The following OLFM1 variants were observed in gnomAD, a reference collection of about 807,000 sequenced individuals.
OLFM1 encodes noelin.
Under a neutral mutation model 49.7 loss-of-function variants are expected in OLFM1, and 9 were observed. The observed-to-expected ratio is 0.18, with a 90% CI of 0.11 to 0.32. The LOEUF (loss-of-function observed/expected upper bound fraction) is 0.32, where lower values mean the gene tolerates loss of function less well. Ranked by LOEUF, OLFM1 falls within the 10% of genes least tolerant of loss-of-function variation. The pLI, the probability that OLFM1 is intolerant of heterozygous loss-of-function variation, is 1.00. For synonymous variants in OLFM1, 240 were observed against 271.8 expected, an observed-to-expected ratio of 0.88 and a Z score of 1.15; for missense variants, 369 against 661.8, an observed-to-expected ratio of 0.56 and a Z score of 4.85.
intron 5 of OLFM1, among the ~76,000 whole-genome samples, chr9:135,107,922 A>G (rs1478620369): frequency 1.3e-5 from 2 of 151,964 alleles, no homozygotes; most frequent in Non-Finnish European, 2.9e-5. Context: ...GAAATCTCTT[A>G]TATTTAAAAC....
At chr9:135,106,650 C>G in intron 4 of OLFM1, 99 bp from the exon 5 acceptor site, 1 of 839,106 alleles carries the variant, frequency 1.2e-6, no homozygotes, top group South Asian at 1.6e-5. Context: ...GAGGAGAAGC[C>G]GCCACATGGC....
At chr9:135,110,342 A>G (rs1420127368) in intron 5 of OLFM1, among the ~76,000 whole-genome samples, 6 of 152,088 alleles carry the variant, frequency 3.9e-5, no homozygotes, top group Non-Finnish European at 8.8e-5. Flanking sequence ...AGGTCAGCTC[A>G]CATCAGACAC....
chr9:135,082,918 G>A (rs78658470), upstream of OLFM1, among the ~76,000 whole-genome samples: 2 of 152,176 alleles, frequency 1.3e-5, no homozygotes, highest in Admixed American at 6.5e-5. Flanking sequence ...GCCGGGTGTC[G>A]TCTGGATGCA....
At position 135,113,392 on chromosome 9, in the gene OLFM1, A is replaced by T. The variant is rs1035747228; in HGVS notation, c.784-6112A>T. ...AGGCTCTGAGGGCCGTGTCTAGCCT[A>T]CCCAGAACCACCAAGCCCACTCGAG... is the stretch of plus-strand genomic sequence containing the variant. On this transcript the variant is annotated intron_variant, in intron 5 of 5. Transcript: ENST00000371793. This position sits in a 1 kb window ranked among gnomAD's most constrained non-coding sequence, Gnocchi z 4.0. Among the ~76,000 whole-genome samples the T allele has an allele frequency of 6.6e-6, 1 of 151,952 alleles. No individual in the cohort carries two copies. Among genetic ancestry groups the T allele is most frequent in the African/African-American group, 2.4e-5 (1 of 41,342 alleles).
In OLFM1 at chr9:135,098,606, T is replaced by C; in HGVS notation, c.676+101T>C. On this transcript the variant is annotated intron_variant, in intron 4 of 5. Coordinates refer to ENST00000371793, the MANE Select transcript of OLFM1 (RefSeq NM_001282611.2). The surrounding 1 kb of genome is among the most constrained non-coding windows in gnomAD (Gnocchi z 5.6). ...TGAAGTGGACAGCGCCCGCCTGGCT[T>C]CGCGAGGTGATGGCTGGATTAGGGC... 1 of 1,079,596 alleles carries C rather than the reference T, an allele frequency of 9.3e-7. No homozygotes were observed. Among genetic ancestry groups the C allele is most frequent in the African/African-American group, 1.6e-5 (1 of 64,188 alleles). The allele number at this position is 1,079,596 out of a possible 1,614,324, so 66.9% of individuals were successfully genotyped here. A position where few individuals can be genotyped will look rare whatever the true frequency, so the allele number is the denominator to read the frequency against.
At chr9:135,082,516 G>A (rs73560274) in intron 1 of OLFM1, among the ~76,000 whole-genome samples, 1,711 of 152,322 alleles carry the variant, frequency 0.011, 38 homozygotes, top group African/African-American at 0.039. Flanking sequence ...TGCACTGAAG[G>A]ATGTGGTTTT....
chr9:135,091,184 T>A (rs1222375768), intron 2 of OLFM1, among the ~76,000 whole-genome samples: 2 of 152,224 alleles, frequency 1.3e-5, no homozygotes, highest in African/African-American at 4.8e-5. Flanking sequence ...TCAGGGGGCC[T>A]TCTCCTAATG....
chr9:135,106,569 A>G (rs1830946462), intron 4 of OLFM1, 180 bp from the exon 5 acceptor site: 1 of 584,466 alleles, frequency 1.7e-6, no homozygotes, highest in East Asian at 2.9e-5. Context: ...GGCTTTTCCG[A>G]GAGTGGGGGA....
chr9:135,076,036 C>A, intron 1 of OLFM1: 1 of 1,450,096 alleles, frequency 6.9e-7, no homozygotes, highest in Non-Finnish European at 9.1e-7. Context: ...GCAGAGCTGA[C>A]AGCTGCCCCC....
In OLFM1 at chr9:135,117,197, A is replaced by G. The variant is rs1300748360; in HGVS notation, c.784-2307A>G. ...TTGCGCAAAGTCCAGACAGTTCTCAAGTCAACTGGCATTTCATCGGAAATC... is the reference window on the plus strand; with the variant it reads ...TTGCGCAAAGTCCAGACAGTTCTCAGGTCAACTGGCATTTCATCGGAAATC... On this transcript the variant is annotated intron_variant, in intron 5 of 5. Coordinates refer to ENST00000371793, the MANE Select transcript of OLFM1 (RefSeq NM_001282611.2). The surrounding 1 kb of genome is among the most constrained non-coding windows in gnomAD (Gnocchi z 5.5). Among the ~76,000 whole-genome samples the G allele has an allele frequency of 2.0e-5, 3 of 152,194 alleles. No homozygotes were observed. The highest frequency in any genetic ancestry group is 7.2e-5 in the African/African-American group (3 of 41,452).
intron 1 of OLFM1, among the ~76,000 whole-genome samples, chr9:135,078,251 G>T (rs1236342126): frequency 3.3e-5 from 5 of 152,212 alleles, no homozygotes; most frequent in Non-Finnish European, 1.5e-5. Context: ...TAGGTAAATT[G>T]CTCCAACAGC....
chr9:135,077,456 A>G (rs35961876), intron 1 of OLFM1: 62,872 of 493,684 alleles, frequency 0.13, 4,781 homozygotes, highest in Middle Eastern at 0.2. Context: ...TTCAACTTCA[A>G]TTAGAAGCCT....
intron 1 of OLFM1, among the ~76,000 whole-genome samples, chr9:135,079,592 G>A (rs1042188147): frequency 4.6e-5 from 7 of 152,218 alleles, no homozygotes; most frequent in African/African-American, 9.6e-5. Context: ...GCGACAGAGC[G>A]AGATTCTGTC....
chr9:135,082,576 T>G (rs1830546653), intron 1 of OLFM1, among the ~76,000 whole-genome samples: 1 of 152,146 alleles, frequency 6.6e-6, no homozygotes, highest in South Asian at 2.1e-4. Flanking sequence ...TTACCAACAA[T>G]TTGGCTGTCA....
At chr9:135,097,364 G>T (rs1309064937) in intron 3 of OLFM1, among the ~76,000 whole-genome samples, 3 of 152,220 alleles carry the variant, frequency 2.0e-5, no homozygotes, top group African/African-American at 7.2e-5. Flanking sequence ...TCTGGAGGGA[G>T]AGATGTTGAC....
At chr9:135,075,785 G>T (rs1267215646) in exon 1 of OLFM1, 9 of 1,605,730 alleles carry the variant, frequency 5.6e-6, no homozygotes, top group Non-Finnish European at 7.6e-6. Flanking sequence ...CATCCTGATG[G>T]GCACTGAACT....
intron 4 of OLFM1, among the ~76,000 whole-genome samples, chr9:135,101,812 G>A (rs1444660353): frequency 1.3e-5 from 2 of 152,214 alleles, no homozygotes; most frequent in African/African-American, 2.4e-5. Flanking sequence ...TGGAGCTCCC[G>A]GGGCGTGGCA....
Position 135,087,672 on chromosome 9 carries a change from C to T in OLFM1, c.-318C>T. 3 of 467,634 alleles carry T rather than the reference C, an allele frequency of 6.4e-6. No homozygotes were observed. Among genetic ancestry groups the T allele is most frequent in the Non-Finnish European group, 9.4e-6 (3 of 319,438 alleles). 29.0% of individuals were successfully genotyped at this position (467,634 alleles called of 1,614,324 possible). On this transcript the variant is annotated 5_prime_UTR_variant, in exon 1 of 6. Transcript: ENST00000371793. ...CGCGCAGCCCGCGCAGCGCTCAGAG[C>T]CGGACGGCGCTTCCCGGTGGCGGCG...
intron 5 of OLFM1, among the ~76,000 whole-genome samples, chr9:135,109,576 A>G (rs1168913170): frequency 6.6e-6 from 1 of 152,134 alleles, no homozygotes; most frequent in South Asian, 2.1e-4. Flanking sequence ...CGCTCAGCAC[A>G]GCCTCCAACT....
Sources: allele counts gnomAD v4.1 joint callset (sites outside exome capture counted in the v4.1 genomes callset), GRCh38; gene constraint gnomAD v4.1.1; non-coding constraint Gnocchi (gnomAD v3.1); transcripts MANE v1.5; gene names NCBI Gene and HGNC (gene_info 2026-07-23, HGNC 2026-07-21).